Variants in KIAA1549L observed in about 807,000 individuals in gnomAD.
KIAA1549L encodes UPF0606 protein KIAA1549L.
KIAA1549L carries 88 observed loss-of-function variants against 160.7 expected under a neutral mutation model. The observed-to-expected ratio is 0.55, with a 90% CI of 0.46 to 0.65. The LOEUF is 0.65. Among genes scored for constraint, KIAA1549L ranks in the 30% least tolerant of loss-of-function variants. The pLI is 0.00. For synonymous variants in KIAA1549L, 950 were observed against 976.7 expected (o/e 0.97, Z 0.51); for missense variants, 2,258 against 2,437.5 (o/e 0.93, Z 1.55).
Position 33,409,860 on chromosome 11 carries a change from A to G in KIAA1549L, c.238+32971A>G, listed in dbSNP as rs1390196518. Among the ~76,000 whole-genome samples the G allele has an allele frequency of 3.3e-5, 5 of 150,190 alleles. No individual in the cohort carries two copies. The East Asian group carries it at 9.8e-4, about 29-fold the overall frequency. Reference sequence around the variant, plus strand: ...TTTTGAGATGAGATTTGGAAGGAAAACTCAATACAATATAAAGTTACCTTA... The same window carrying G: ...TTTTGAGATGAGATTTGGAAGGAAAGCTCAATACAATATAAAGTTACCTTA... On this transcript the variant is annotated intron_variant, in intron 1 of 20. Coordinates refer to ENST00000658780, the MANE Select transcript of KIAA1549L (RefSeq NM_012194.3).
At chr11:33,386,203 C>G (rs1472997887) in intron 1 of KIAA1549L, among the ~76,000 whole-genome samples, 2 of 152,108 alleles carry the variant, frequency 1.3e-5, no homozygotes, top group Non-Finnish European at 2.9e-5. Flanking sequence ...ATGATGTTGG[C>G]TATAGTTTTG....
intron 16 of KIAA1549L, among the ~76,000 whole-genome samples, chr11:33,625,427 C>G (rs1337471698): frequency 6.6e-6 from 1 of 152,138 alleles, no homozygotes; most frequent in African/African-American, 2.4e-5. Flanking sequence ...CCTGTTGTTT[C>G]CTGACTTTTT....
chr11:33,492,196 A>G (rs1317175500), intron 1 of KIAA1549L, among the ~76,000 whole-genome samples: 6 of 152,262 alleles, frequency 3.9e-5, no homozygotes, highest in Admixed American at 2.6e-4. Flanking sequence ...GTGAAACCTC[A>G]TCTCTACCAA....
intron 9 of KIAA1549L, among the ~76,000 whole-genome samples, chr11:33,574,215 A>C (rs535736547): frequency 6.6e-6 from 1 of 152,078 alleles, no homozygotes; most frequent in Non-Finnish European, 1.5e-5. Context: ...GTAAAAAAAA[A>C]AAAAAAGCAA....
chr11:33,476,658 T>C, intron 1 of KIAA1549L, among the ~76,000 whole-genome samples: 1 of 152,160 alleles, frequency 6.6e-6, no homozygotes, highest in East Asian at 1.9e-4. Context: ...TCACCATTCT[T>C]TCAGAACCTT....
rs1342085492 is a variant in KIAA1549L at position 33,673,906 on chromosome 11, C to G, written c.*5752C>G. 6.6e-6 allele frequency: 1 copy of G among 152,208 alleles called. No homozygotes were observed. Among genetic ancestry groups the G allele is most frequent in the Non-Finnish European group, 1.5e-5 (1 of 68,046 alleles). 9.4% of individuals were successfully genotyped at this position (152,208 alleles called of 1,614,324 possible). ...TTAACTCTGGGTGAAAAACCCCAAC[C>G]GGTGAGTCTTTAAAACCATATTAGA... On this transcript the variant is annotated 3_prime_UTR_variant, in exon 21 of 21. Transcript: ENST00000658780.
At chr11:33,584,576 A>T (rs913033508) in intron 11 of KIAA1549L, among the ~76,000 whole-genome samples, 1 of 152,256 alleles carries the variant, frequency 6.6e-6, no homozygotes, top group Admixed American at 6.5e-5. Context: ...GTCATACCTG[A>T]TGCTTAAATA....
intron 17 of KIAA1549L, 130 bp from the exon 18 acceptor site, chr11:33,655,882 G>GA (rs953486458): frequency 6.1e-6 from 4 of 660,062 alleles, no homozygotes; most frequent in African/African-American, 5.4e-5. Flanking sequence ...GAAGATCTTA[G>GA]AAAAAAGTCT....
chr11:33,504,814 TG>T, intron 1 of KIAA1549L, among the ~76,000 whole-genome samples: 1 of 152,184 alleles, frequency 6.6e-6, no homozygotes, highest in African/African-American at 2.4e-5. Flanking sequence ...TTACCTATGC[TG>T]GAGTGCAGTG....
At chr11:33,566,475 C>T (rs1855052963) in intron 8 of KIAA1549L, among the ~76,000 whole-genome samples, 1 of 152,184 alleles carries the variant, frequency 6.6e-6, no homozygotes, top group African/African-American at 2.4e-5. Flanking sequence ...ACAGTGGGAA[C>T]AGCACAACTC....
intron 1 of KIAA1549L, among the ~76,000 whole-genome samples, chr11:33,460,933 G>A (rs1431527286): frequency 6.6e-6 from 1 of 152,100 alleles, no homozygotes; most frequent in East Asian, 1.9e-4. Context: ...AAAGTGCCAT[G>A]TATGGTTATC....
intron 16 of KIAA1549L, among the ~76,000 whole-genome samples, chr11:33,631,552 C>G (rs1851290184): frequency 1.3e-5 from 2 of 152,182 alleles, no homozygotes; most frequent in South Asian, 4.1e-4. Context: ...AGAAGCCCCT[C>G]CCAGTTGTGA....
At chr11:33,582,350 C>G (rs1855672168) in intron 10 of KIAA1549L, among the ~76,000 whole-genome samples, 1 of 152,142 alleles carries the variant, frequency 6.6e-6, no homozygotes, top group Admixed American at 6.5e-5. Context: ...CAGGTCTCAC[C>G]ACGTGGCACT....
chr11:33,496,363 C>G lies in KIAA1549L; in HGVS notation c.239-45439C>G, dbSNP rs377048144. On this transcript the variant is annotated intron_variant, in intron 1 of 20. Coordinates refer to ENST00000658780, the MANE Select transcript of KIAA1549L (RefSeq NM_012194.3). ...CTATGAAGGTAGGGGCTTAGGACCCCAGGATTTCTGGGTGCGAAGTCACTG... is the reference window on the plus strand; with the variant it reads ...CTATGAAGGTAGGGGCTTAGGACCCGAGGATTTCTGGGTGCGAAGTCACTG... Among the ~76,000 whole-genome samples, 11 of 152,296 alleles carry G rather than the reference C, an allele frequency of 7.2e-5. No homozygotes were observed. In the East Asian group the frequency reaches 1.2e-3, roughly 16 times the overall value.
intron 6 of KIAA1549L, among the ~76,000 whole-genome samples, chr11:33,559,244 G>C (rs920892889): frequency 3.3e-5 from 5 of 152,160 alleles, no homozygotes; most frequent in Admixed American, 2.0e-4. Flanking sequence ...CTGAAAGTTT[G>C]ACTCAGGCTT....
intron 1 of KIAA1549L, among the ~76,000 whole-genome samples, chr11:33,464,432 G>A (rs1227505948): frequency 6.6e-6 from 1 of 151,346 alleles, no homozygotes; most frequent in Non-Finnish European, 1.5e-5. Context: ...TAAGCCAACA[G>A]TCACGCATCA....
At position 33,669,417 on chromosome 11, in the gene KIAA1549L, C is replaced by CT. The variant is rs2133470622; in HGVS notation, c.*1264dup. On this transcript the variant is annotated 3_prime_UTR_variant, in exon 21 of 21. Coordinates refer to ENST00000658780, the MANE Select transcript of KIAA1549L (RefSeq NM_012194.3). The stretch of plus-strand genomic sequence containing the variant: ...ACGGCACTGAGGCACCAGCCGCTGC[C>CT]TACCCATCAATGCAAGCAAAACAGC... 6.6e-6 allele frequency: 1 copy of CT among 152,328 alleles called. No homozygotes were observed. Among genetic ancestry groups the CT allele is most frequent in the Non-Finnish European group, 1.5e-5 (1 of 68,030 alleles). 9.4% of individuals were successfully genotyped at this position (152,328 alleles called of 1,614,324 possible).
intron 1 of KIAA1549L, among the ~76,000 whole-genome samples, chr11:33,536,209 C>T (rs960330451): frequency 1.3e-5 from 2 of 152,200 alleles, no homozygotes; most frequent in Non-Finnish European, 2.9e-5. Flanking sequence ...TGGCTCAGTG[C>T]TGTAATACAA....
rs1852051760 is a variant in KIAA1549L at position 33,656,026 on chromosome 11, C to T, written c.5775C>T (p.Ser1925=). ...YSLPRPAYRF[S]QLPEMVMGSP... is the part of the protein sequence containing the mutation. ...CTCTTTCACAGGCTTACAGGTTTTC[C>T]CAGCTTCCTGAGATGGTCATGGGCT... Residue 1925 remains serine, a synonymous_variant, in exon 18 of 21, where the codon TCC becomes TCT. Transcript: ENST00000658780. 1.2e-6 allele frequency: 2 copies of T among 1,613,742 alleles called. No homozygotes were observed. Among genetic ancestry groups the T allele is most frequent in the East Asian group, 4.5e-5 (2 of 44,884 alleles).
Sources: gnomAD v4.1 joint callset for allele counts (sites outside exome capture counted in the v4.1 genomes callset) on GRCh38, gnomAD v4.1.1 for gene constraint, MANE v1.5 for transcripts, NCBI Gene and HGNC (gene_info 2026-07-23, HGNC 2026-07-21) for gene names.